Variants in CTNND2 observed in about 807,000 individuals in gnomAD.
CTNND2 encodes the protein catenin delta 2.
A neutral mutation model predicts 144.4 loss-of-function variants in CTNND2; 22 were observed. The observed-to-expected ratio is 0.15, with a 90% CI of 0.11 to 0.22. CTNND2 has a LOEUF of 0.22. Ranked by LOEUF, CTNND2 falls within the 10% of genes least tolerant of loss-of-function variation. The pLI is 1.00. For synonymous variants in CTNND2, 751 were observed against 695.6 expected (o/e 1.08, Z -1.25); for missense variants, 1,353 against 1,618.8 (o/e 0.84, Z 2.82).
At chr5:11,508,117 G>A (rs891321692) in intron 3 of CTNND2, among the ~76,000 whole-genome samples, 2 of 152,042 alleles carry the variant, frequency 1.3e-5, no homozygotes, top group Admixed American at 1.3e-4. Context: ...TTACTTTAAT[G>A]AAACAATGTT....
intron 1 of CTNND2, among the ~76,000 whole-genome samples, chr5:11,837,243 G>C (rs1452195747): frequency 2.0e-5 from 3 of 152,174 alleles, no homozygotes; most frequent in African/African-American, 7.2e-5. Flanking sequence ...GGTGAATGGA[G>C]GGAAAGAATA....
chr5:11,746,573 G>C (rs1486932814), intron 1 of CTNND2, among the ~76,000 whole-genome samples: 1 of 151,942 alleles, frequency 6.6e-6, no homozygotes, highest in Non-Finnish European at 1.5e-5. Context: ...TAAATTTTCT[G>C]TCATTTGCAA....
chr5:11,567,251 T>G (rs1246127054), intron 2 of CTNND2, among the ~76,000 whole-genome samples: 1 of 152,140 alleles, frequency 6.6e-6, no homozygotes, highest in Non-Finnish European at 1.5e-5. Context: ...TGTTTCTTTT[T>G]AATTTTTCTC....
At chr5:11,027,054 C>T (rs1479112550) in intron 16 of CTNND2, 2 of 152,078 alleles carry the variant, frequency 1.3e-5, no homozygotes, top group Admixed American at 6.6e-5. Flanking sequence ...ACCAAAATCC[C>T]GTCAGAGAGA....
At chr5:11,516,043 G>A (rs1003695888) in intron 3 of CTNND2, among the ~76,000 whole-genome samples, 2 of 151,956 alleles carry the variant, frequency 1.3e-5, no homozygotes, top group African/African-American at 4.8e-5. Flanking sequence ...GGAGATTGAG[G>A]CTGCAGTGTG....
chr5:11,880,536 A>G (rs1376983220), intron 1 of CTNND2, among the ~76,000 whole-genome samples: 1 of 141,534 alleles, frequency 7.1e-6, no homozygotes, highest in African/African-American at 2.6e-5. Context: ...TACTACCACC[A>G]CCACTACTAC....
chr5:11,555,351 A>T (rs1257350296), intron 3 of CTNND2, among the ~76,000 whole-genome samples: 1 of 152,140 alleles, frequency 6.6e-6, no homozygotes, highest in East Asian at 1.9e-4. Flanking sequence ...TAGGAGATCA[A>T]AGAAAACTGG....
At chr5:11,167,125 T>C (rs1268442770) in intron 11 of CTNND2, among the ~76,000 whole-genome samples, 3 of 152,158 alleles carry the variant, frequency 2.0e-5, no homozygotes, top group South Asian at 4.2e-4. Flanking sequence ...TTCAACAGGC[T>C]GAATCATCAT....
chr5:11,031,059 T>C (rs1743424432), intron 16 of CTNND2, among the ~76,000 whole-genome samples: 1 of 152,210 alleles, frequency 6.6e-6, no homozygotes, highest in Non-Finnish European at 1.5e-5. Flanking sequence ...TTCTCTTGTA[T>C]ATGCAGTTGC....
At chr5:11,346,692 G>T (rs903307242) in intron 8 of CTNND2, 65 bp from the exon 9 acceptor site, 2 of 1,380,398 alleles carry the variant, frequency 1.4e-6, no homozygotes, top group Non-Finnish European at 1.9e-6. Flanking sequence ...GGTTAACCAG[G>T]TCTAGGCAGG....
At chr5:11,614,968 A>T (rs1245692269) in intron 2 of CTNND2, among the ~76,000 whole-genome samples, 2 of 152,044 alleles carry the variant, frequency 1.3e-5, no homozygotes, top group Non-Finnish European at 2.9e-5. Context: ...GATGCAAAAT[A>T]TGTGTTTTGT....
intron 1 of CTNND2, among the ~76,000 whole-genome samples, chr5:11,845,097 G>A (rs1794672370): frequency 6.6e-6 from 1 of 152,134 alleles, no homozygotes; most frequent in African/African-American, 2.4e-5. Context: ...TGTTAGGACA[G>A]CAGCTTCAAC....
intron 2 of CTNND2, among the ~76,000 whole-genome samples, chr5:11,696,397 T>C (rs926840267): frequency 1.3e-5 from 2 of 152,220 alleles, no homozygotes; most frequent in Admixed American, 6.5e-5. Context: ...GGGCTATAGT[T>C]TGCAGACCAC....
chr5:11,801,039 A>T (rs1581906919), intron 1 of CTNND2, among the ~76,000 whole-genome samples: 1 of 152,194 alleles, frequency 6.6e-6, no homozygotes, highest in African/African-American at 2.4e-5. Context: ...TTAAGAAGCT[A>T]ATTTCCTACG....
At chr5:11,018,476 A>G (rs1221482855) in intron 17 of CTNND2, among the ~76,000 whole-genome samples, 1 of 152,224 alleles carries the variant, frequency 6.6e-6, no homozygotes, top group African/African-American at 2.4e-5. Context: ...GCCACAACCC[A>G]AGACGGGCCA....
At position 11,554,013 on chromosome 5, in the gene CTNND2, C is replaced by A. The variant is rs114625661; in HGVS notation, c.287+10931G>T. ...TAATTATAACCATAAAGTATTCAAC[C>A]TTTCTAAGGCCCTACATCAAATTCT... On this transcript the variant is annotated intron_variant, in intron 3 of 21. Coordinates refer to ENST00000304623, the MANE Select transcript of CTNND2 (RefSeq NM_001332.4). Among the ~76,000 whole-genome samples the A allele has an allele frequency of 2.9e-3, 439 of 152,142 alleles. 1 individual carries two copies. The highest frequency in any genetic ancestry group is 9.9e-3 in the African/African-American group (410 of 41,534).
At chr5:11,533,974 C>T (rs1448550313) in intron 3 of CTNND2, among the ~76,000 whole-genome samples, 1 of 152,188 alleles carries the variant, frequency 6.6e-6, no homozygotes, top group East Asian at 1.9e-4. Flanking sequence ...GATGCATTCA[C>T]AACATGCAGG....
At chr5:10,989,605 T>C (rs61751696) in intron 19 of CTNND2, among the ~76,000 whole-genome samples, 10,019 of 152,258 alleles carry the variant, frequency 0.066, 1,087 homozygotes, top group African/African-American at 0.23. Flanking sequence ...CTGTAGGGTC[T>C]CTTTGCTCCT....
intron 1 of CTNND2, among the ~76,000 whole-genome samples, chr5:11,879,838 C>T (rs978374150): frequency 6.6e-6 from 1 of 152,136 alleles, no homozygotes; most frequent in African/African-American, 2.4e-5. Context: ...TTTCTTCATC[C>T]TCTGGGCATA....
Sources: allele counts gnomAD v4.1 joint callset (sites outside exome capture counted in the v4.1 genomes callset), GRCh38; gene constraint gnomAD v4.1.1; transcripts MANE v1.5; gene names NCBI Gene and HGNC (gene_info 2026-07-23, HGNC 2026-07-21).